The following CCNI variants were observed in gnomAD, a reference collection of about 807,000 sequenced individuals.
The protein encoded by CCNI is cyclin I, also known as cyclin-I.
A neutral mutation model predicts 34.1 loss-of-function variants in CCNI; 14 were observed. The observed-to-expected ratio is 0.41, with a 90% CI of 0.27 to 0.64. The LOEUF (loss-of-function observed/expected upper bound fraction) is 0.64. CCNI is among the 30% of genes least tolerant of loss of function. CCNI has a pLI of 0.31. For synonymous variants in CCNI, 154 were observed against 158.4 expected (o/e 0.97, Z 0.21); for missense variants, 385 against 440.5 (o/e 0.87, Z 1.13).
At chr4:77,053,292 T>A (rs1727991480) in intron 6 of CCNI, among the ~76,000 whole-genome samples, 1 of 152,080 alleles carries the variant, frequency 6.6e-6, no homozygotes, top group East Asian at 1.9e-4. Context: ...AAAAAAAGCA[T>A]TGGTTCTTTT....
chr4:77,071,900 T>A (rs4252796), intron 1 of CCNI, among the ~76,000 whole-genome samples: 160 of 152,314 alleles, frequency 1.1e-3, no homozygotes, highest in African/African-American at 3.8e-3. Flanking sequence ...CAGTTAATTT[T>A]TTTAAAGCAC....
chr4:77,064,882 T>C (rs1437520786), intron 2 of CCNI: 1 of 152,260 alleles, frequency 6.6e-6, no homozygotes. Flanking sequence ...TTTCGCCATG[T>C]TGACCATGGC....
At chr4:77,064,215 C>T (rs1728845996) in intron 2 of CCNI, among the ~76,000 whole-genome samples, 2 of 151,252 alleles carry the variant, frequency 1.3e-5, no homozygotes, top group Non-Finnish European at 2.9e-5. Flanking sequence ...TGCACTCCAG[C>T]CTGGGCAAAA....
intron 6 of CCNI, among the ~76,000 whole-genome samples, chr4:77,053,430 C>T (rs186813195): frequency 6.6e-6 from 1 of 151,720 alleles, no homozygotes; most frequent in East Asian, 1.9e-4. Flanking sequence ...GTTTGCAATA[C>T]TCCTTCAGCT....
intron 1 of CCNI, among the ~76,000 whole-genome samples, chr4:77,070,997 G>A (rs1190560809): frequency 6.6e-6 from 1 of 152,116 alleles, no homozygotes; most frequent in African/African-American, 2.4e-5. Flanking sequence ...ATTCTTTCAC[G>A]CCATTAGCTA....
At chr4:77,071,180 C>T (rs1289879969) in intron 1 of CCNI, among the ~76,000 whole-genome samples, 1 of 152,140 alleles carries the variant, frequency 6.6e-6, no homozygotes, top group Non-Finnish European at 1.5e-5. Context: ...AATGGATTCC[C>T]GTTCTCCAAT....
At chr4:77,062,177 T>C (rs1441458501) in intron 2 of CCNI, among the ~76,000 whole-genome samples, 1 of 152,194 alleles carries the variant, frequency 6.6e-6, no homozygotes, top group African/African-American at 2.4e-5. Context: ...TTGATGTTAC[T>C]CCCCGCCAGA....
intron 5 of CCNI, 84 bp from the exon 6 acceptor site, chr4:77,055,464 C>CA: frequency 3.0e-6 from 2 of 673,126 alleles, no homozygotes; most frequent in Admixed American, 5.8e-5. Context: ...TATTCAATTT[C>CA]TTTTTTTTTT....
At chr4:77,067,762 T>G (rs1578253237) in intron 1 of CCNI, among the ~76,000 whole-genome samples, 3 of 108,980 alleles carry the variant, frequency 2.8e-5, no homozygotes, top group African/African-American at 3.9e-5. Context: ...GGGTTACAGG[T>G]GTGAGCCACC....
At chr4:77,058,769 A>G (rs1728408171) in intron 2 of CCNI, 134 bp from the exon 3 acceptor site, 3 of 693,880 alleles carry the variant, frequency 4.3e-6, no homozygotes, top group African/African-American at 3.7e-5. Context: ...TTCAAAATCT[A>G]TCAGACTTGA....
At chr4:77,073,003 C>T (rs1729603924) in intron 1 of CCNI, among the ~76,000 whole-genome samples, 1 of 152,130 alleles carries the variant, frequency 6.6e-6, no homozygotes, top group Admixed American at 6.6e-5. Flanking sequence ...GGGTAAAGCA[C>T]ATTTTGAGTT....
chr4:77,064,832 C>G (rs910654167), intron 2 of CCNI: 4 of 152,088 alleles, frequency 2.6e-5, no homozygotes, highest in African/African-American at 9.7e-5. Flanking sequence ...GAATGACTCA[C>G]CACACCCAGC....
chr4:77,075,475 C>T lies in CCNI; in HGVS notation c.-47G>A. On this transcript the variant is annotated 5_prime_UTR_variant, in exon 1 of 7. Coordinates refer to ENST00000237654, the MANE Select transcript of CCNI (RefSeq NM_006835.3). ...CGCCCCCGCCCCCGCCCCTCACCTT[C>T]TCCTCCTCTTCCTCCTCCTCCTCCT... 3.3e-6 allele frequency: 2 copies of T among 610,516 alleles called. No individual in the cohort carries two copies. Among genetic ancestry groups the T allele is most frequent in the Non-Finnish European group, 4.1e-6 (2 of 485,466 alleles). The allele number at this position is 610,516 out of a possible 1,614,324, so 37.8% of individuals were successfully genotyped here.
Position 77,048,618 on chromosome 4 carries a change from A to G in CCNI, c.735T>C (p.His245=), listed in dbSNP as rs772616912. 1.3e-6 allele frequency: 2 copies of G among 1,576,654 alleles called. No individual in the cohort carries two copies. Among genetic ancestry groups the G allele is most frequent in the African/African-American group, 1.4e-5 (1 of 73,974 alleles). ...QLIHCRELVA[H]HLSTLQSSLP... is the part of the protein sequence containing the mutation. Reference sequence around the variant, plus strand: ...GGGAAGACTGCAGAGTAGAAAGGTGATGTGCCACAAGCTCCCGACAATGGA... The same window carrying G: ...GGGAAGACTGCAGAGTAGAAAGGTGGTGTGCCACAAGCTCCCGACAATGGA... Residue 245 remains histidine (H), a synonymous_variant, in exon 7 of 7, where the codon CAT becomes CAC. Coordinates refer to ENST00000237654, the MANE Select transcript of CCNI (RefSeq NM_006835.3).
intron 1 of CCNI, among the ~76,000 whole-genome samples, chr4:77,070,425 T>C (rs1729370537): frequency 1.3e-5 from 2 of 151,650 alleles, no homozygotes; most frequent in Non-Finnish European, 2.9e-5. Flanking sequence ...GTTAAGCCAG[T>C]TCTACCCCTA....
chr4:77,067,004 C>T (rs1048926229), intron 1 of CCNI, among the ~76,000 whole-genome samples: 4 of 152,082 alleles, frequency 2.6e-5, no homozygotes, highest in East Asian at 1.9e-4. Flanking sequence ...GAGGCCGAGG[C>T]GGGTGGATCA....
Position 77,048,281 on chromosome 4 carries a change from A to T in CCNI, c.1072T>A (p.Leu358Ile). Reference protein sequence around the residue: ...ENVGSVCGTDLSRQEGHASPC... With the variant: ...ENVGSVCGTDISRQEGHASPC... ...GAAGCATGTCCCTCTTGTCTTGATAAATCAGTGCCACACACAGAACCCACA... is the reference window on the plus strand; with the variant it reads ...GAAGCATGTCCCTCTTGTCTTGATATATCAGTGCCACACACAGAACCCACA... Residue 358 changes from leucine (L) to isoleucine (I), a missense_variant, in exon 7 of 7, where the codon TTA (leucine) becomes ATA (isoleucine). Physicochemically the swap from Leu to Ile is conservative, Grantham distance 5. This residue lies in a region of CCNI where 250 missense variants were observed against 248.7 expected (regional missense o/e 1.01). Transcript: ENST00000237654. 2 of 1,614,094 alleles carry T rather than the reference A, an allele frequency of 1.2e-6. No homozygotes were observed. The highest frequency in any genetic ancestry group is 1.7e-6 in the Non-Finnish European group (2 of 1,179,994).
Position 77,048,476 on chromosome 4 carries a change from TGTC to T in CCNI, c.874_876del (p.Asp292del). 6.2e-7 allele frequency: 1 copy of T among 1,614,152 alleles called. No individual in the cohort carries two copies. Among genetic ancestry groups the T allele is most frequent in the Non-Finnish European group, 8.5e-7 (1 of 1,180,016 alleles). ...CTGACTGGCACTTCTGGCTTGCTGT[TGTC>T]CTTGGAGAAGTCTGGGCCTGGGACA... On this transcript the variant is annotated inframe_deletion, in exon 7 of 7. Coordinates refer to ENST00000237654, the MANE Select transcript of CCNI (RefSeq NM_006835.3).
At chr4:77,055,638 TG>T (rs1578237062) in intron 5 of CCNI, among the ~76,000 whole-genome samples, 1 of 152,122 alleles carries the variant, frequency 6.6e-6, no homozygotes, top group East Asian at 1.9e-4. Flanking sequence ...GGCTAATTTT[TG>T]TATTTTTAGT....
Sources: allele counts gnomAD v4.1 joint callset (sites outside exome capture counted in the v4.1 genomes callset), GRCh38; gene constraint gnomAD v4.1.1; regional missense constraint gnomAD v4.1.1; transcripts MANE v1.5; gene names NCBI Gene and HGNC (gene_info 2026-07-23, HGNC 2026-07-21).